FKBP9: variants seen among roughly 807,000 people sequenced by gnomAD.
FKBP9 encodes the protein FKBP prolyl isomerase 9.
FKBP9 carries 27 observed loss-of-function variants against 55.6 expected under a neutral mutation model. The observed-to-expected ratio is 0.49, with a 90% confidence interval of 0.36 to 0.67. The LOEUF is 0.67. FKBP9 is among the 30% of genes least tolerant of loss of function. FKBP9 has a pLI of 0.00. For synonymous variants in FKBP9, 267 were observed against 296.5 expected, an observed-to-expected ratio of 0.90 and a Z score of 1.02; for missense variants, 539 against 742.8, an observed-to-expected ratio of 0.73 and a Z score of 3.19.
At chr7:32,976,975 G>GCAGATA (rs1481435233) in intron 4 of FKBP9, among the ~76,000 whole-genome samples, 1 of 152,202 alleles carries the variant, frequency 6.6e-6, no homozygotes, top group Non-Finnish European at 1.5e-5. Context: ...TATAAAAGTT[G>GCAGATA]CAGATATCCA....
chr7:32,957,742 G>C lies in FKBP9; in HGVS notation c.169G>C (p.Val57Leu). ...CPRTVRSGDF[V>L]RYHYVGTFPD... ...GCGCACCGTGCGCAGCGGCGACTTC[G>C]TGCGCTACCACTACGTGGGGACGTT... Residue 57 changes from valine (V) to leucine (L), a missense_variant, in exon 1 of 10, where the codon GTG (valine) becomes CTG (leucine). Coordinates refer to ENST00000242209, the MANE Select transcript of FKBP9 (RefSeq NM_007270.5). 1 of 1,520,234 alleles carries C rather than the reference G, an allele frequency of 6.6e-7. No individual in the cohort carries two copies. Among genetic ancestry groups the C allele is most frequent in the Non-Finnish European group, 8.8e-7 (1 of 1,137,716 alleles). 94.2% of individuals were successfully genotyped at this position (1,520,234 alleles called of 1,614,324 possible).
At position 32,957,556 on chromosome 7, in the gene FKBP9, A is replaced by G. The variant is rs1193365147; in HGVS notation, c.-18A>G. 3 of 1,432,416 alleles carry G rather than the reference A, an allele frequency of 2.1e-6. No individual in the cohort carries two copies. Among genetic ancestry groups the G allele is most frequent in the Admixed American group, 2.9e-5 (1 of 34,090 alleles). The allele number at this position is 1,432,416 out of a possible 1,614,324, so 88.7% of individuals were successfully genotyped here. On this transcript the variant is annotated 5_prime_UTR_variant, in exon 1 of 10. Coordinates refer to ENST00000242209, the MANE Select transcript of FKBP9 (RefSeq NM_007270.5). ...CCGAGCGCCGCGCTGCGTCCGCGCC[A>G]CTCTTCTCGCCGCCCCGATGGCGTT...
At chr7:32,969,058 TC>T in intron 1 of FKBP9, among the ~76,000 whole-genome samples, 1 of 152,360 alleles carries the variant, frequency 6.6e-6, no homozygotes, top group Non-Finnish European at 1.5e-5. Context: ...GGAGAAATAT[TC>T]ATTCAATCCC....
intron 4 of FKBP9, among the ~76,000 whole-genome samples, chr7:32,976,853 A>G (rs1784372481): frequency 6.6e-6 from 1 of 152,102 alleles, no homozygotes; most frequent in Non-Finnish European, 1.5e-5. Context: ...CCACTTACTT[A>G]TAGTCATTGG....
intron 4 of FKBP9, 88 bp from the exon 5 acceptor site, chr7:32,980,276 G>T (rs1401291150): frequency 8.2e-7 from 1 of 1,219,172 alleles, no homozygotes; most frequent in Non-Finnish European, 1.1e-6. Context: ...CTCAAGAAAT[G>T]AATAACACCA....
At position 32,957,764 on chromosome 7, in the gene FKBP9, C is replaced by A; in HGVS notation, c.191C>A (p.Thr64Lys). ...TTCGTGCGCTACCACTACGTGGGGA[C>A]GTTCCCCGACGGCCAGAAGTTCGAC... ...GDFVRYHYVG[T>K]FPDGQKFDSS... is the part of the protein sequence containing the mutation. The change falls in exon 1 of 10, where the codon ACG (threonine) becomes AAG (lysine). Residue 64 changes from threonine to lysine, a missense_variant. By Grantham distance (78) the Thr-to-Lys change is moderately conservative. Coordinates refer to ENST00000242209, the MANE Select transcript of FKBP9 (RefSeq NM_007270.5). 1 of 1,468,854 alleles carries A rather than the reference C, an allele frequency of 6.8e-7. No homozygotes were observed. The highest frequency in any genetic ancestry group is 1.4e-5 in the South Asian group (1 of 73,380). 91.0% of individuals were successfully genotyped at this position (1,468,854 alleles called of 1,614,324 possible).
chr7:32,985,885 TG>T (rs1267537273), intron 5 of FKBP9, among the ~76,000 whole-genome samples: 2 of 151,964 alleles, frequency 1.3e-5, no homozygotes, highest in African/African-American at 4.8e-5. Flanking sequence ...CCCAACTACT[TG>T]GGAGGCTGAG....
intron 6 of FKBP9, among the ~76,000 whole-genome samples, chr7:32,991,749 G>A (rs1461690253): frequency 6.6e-6 from 1 of 152,204 alleles, no homozygotes; most frequent in Admixed American, 6.5e-5. Context: ...GCATTTGGAT[G>A]GGTTTGCAGC....
chr7:33,003,981 C>T (rs543992337), intron 9 of FKBP9, among the ~76,000 whole-genome samples: 1 of 152,112 alleles, frequency 6.6e-6, no homozygotes, highest in South Asian at 2.1e-4. Context: ...TCCACCCGCA[C>T]ACCCCGCTTG....
chr7:32,988,925 T>G (rs1367638764), intron 6 of FKBP9: 2 of 265,876 alleles, frequency 7.5e-6, no homozygotes, highest in African/African-American at 4.3e-5. Flanking sequence ...ATATTGAAGC[T>G]AAAGTCCAGC....
chr7:33,003,679 C>T (rs945310228), intron 9 of FKBP9, among the ~76,000 whole-genome samples: 2 of 152,210 alleles, frequency 1.3e-5, no homozygotes, highest in African/African-American at 2.4e-5. Flanking sequence ...GATTCCCCTA[C>T]AGGACGCATC....
chr7:32,977,832 C>CAT (rs1467823088), intron 4 of FKBP9, among the ~76,000 whole-genome samples: 3,491 of 136,218 alleles, frequency 0.026, 158 homozygotes, highest in East Asian at 0.15. Context: ...TATACACGCC[C>CAT]ATATATATAT....
intron 1 of FKBP9, among the ~76,000 whole-genome samples, chr7:32,960,516 T>G (rs556414433): frequency 2.2e-3 from 337 of 152,360 alleles, no homozygotes; most frequent in Non-Finnish European, 4.2e-3. Flanking sequence ...ATCATATGCG[T>G]ATTGACCATT....
At chr7:32,981,320 C>T (rs188114057) in intron 5 of FKBP9, among the ~76,000 whole-genome samples, 3 of 152,200 alleles carry the variant, frequency 2.0e-5, no homozygotes, top group South Asian at 2.1e-4. Context: ...ATCAGCTGGA[C>T]GGCACTGGTT....
chr7:32,980,243 AT>A (rs1382563225), intron 4 of FKBP9, 120 bp from the exon 5 acceptor site: 2 of 842,700 alleles, frequency 2.4e-6, no homozygotes, highest in East Asian at 2.6e-5. Flanking sequence ...CTGGAAGAAC[AT>A]TTGTTTCCTT....
At chr7:32,961,125 G>A (rs183539436) in intron 1 of FKBP9, among the ~76,000 whole-genome samples, 1 of 152,258 alleles carries the variant, frequency 6.6e-6, no homozygotes, top group Non-Finnish European at 1.5e-5. Flanking sequence ...CACAGAGAAG[G>A]TTTAACTATA....
chr7:32,975,065 A>G, intron 2 of FKBP9, 117 bp from the exon 3 acceptor site: 2 of 807,256 alleles, frequency 2.5e-6, no homozygotes, highest in South Asian at 3.3e-5. Context: ...GGGATTGTAT[A>G]GCGGTGACTG....
chr7:32,990,533 T>C (rs777168524), intron 6 of FKBP9, among the ~76,000 whole-genome samples: 3 of 152,234 alleles, frequency 2.0e-5, no homozygotes, highest in Admixed American at 6.5e-5. Flanking sequence ...AATGTCCTTC[T>C]GTACCTTTGA....
intron 2 of FKBP9, 182 bp downstream of exon 2, chr7:32,974,944 G>C (rs3750112): frequency 0.033 from 21,571 of 655,792 alleles, 1,229 homozygotes; most frequent in East Asian, 0.2. Context: ...GTGAAAGAAA[G>C]TGTCATTAAC....
Sources: gnomAD v4.1 joint callset for allele counts (sites outside exome capture counted in the v4.1 genomes callset) on GRCh38, gnomAD v4.1.1 for gene constraint, MANE v1.5 for transcripts, NCBI Gene and HGNC (gene_info 2026-07-23, HGNC 2026-07-21) for gene names.